The following COLEC12 variants were observed in gnomAD, a reference collection of about 807,000 sequenced individuals.
COLEC12 encodes collectin subfamily member 12, also known as collectin-12.
Under a neutral mutation model 71.1 loss-of-function variants are expected in COLEC12, and 33 were observed. The observed-to-expected ratio is 0.46, with a 90% CI of 0.35 to 0.62. COLEC12 has a LOEUF of 0.62. COLEC12 is among the 20% of genes least tolerant of loss of function. The pLI, the probability that COLEC12 is intolerant of heterozygous loss-of-function variation, is 0.00. For missense variants in COLEC12, 765 were observed against 916.1 expected, an observed-to-expected ratio of 0.84 and a Z score of 2.13; for synonymous variants, 350 against 353.0, an observed-to-expected ratio of 0.99 and a Z score of 0.10.
At chr18:340,086 A>AAAAAAAAAAAAAC (rs1914214074) in intron 5 of COLEC12, among the ~76,000 whole-genome samples, 1 of 150,890 alleles carries the variant, frequency 6.6e-6, no homozygotes, top group African/African-American at 2.4e-5. Flanking sequence ...AAAAAAAAAA[A>AAAAAAAAAAAAAC]AAAAACAAAA....
chr18:477,750 C>A (rs28612465), intron 2 of COLEC12, among the ~76,000 whole-genome samples: 16,468 of 152,194 alleles, frequency 0.11, 1,192 homozygotes, highest in African/African-American at 0.19. Flanking sequence ...GACTCACCTA[C>A]GTTGGCAGGT....
chr18:464,376 AT>A (rs1042519735), intron 2 of COLEC12, among the ~76,000 whole-genome samples: 7 of 152,140 alleles, frequency 4.6e-5, no homozygotes, highest in Non-Finnish European at 7.4e-5. Flanking sequence ...CCTCCTTTGA[AT>A]GGGCCGCAGT....
In COLEC12 at chr18:480,614, GGGCCTGCCAGT is replaced by G. The variant is rs1465810210; in HGVS notation, c.58+82_58+92del. ...AGCCACAAACACCCATGTGCATGAA[GGGCCTGCCAGT>G]GGCCTGCCAATGGTCTCTGAGGGTT... On this transcript the variant is annotated intron_variant, in intron 2 of 9. Transcript: ENST00000400256. The surrounding 1 kb of genome is among the most constrained non-coding windows in gnomAD (Gnocchi z 4.1). 2.7e-6 allele frequency: 3 copies of G among 1,103,038 alleles called. No individual in the cohort carries two copies. The highest frequency in any genetic ancestry group is 3.1e-5 in the African/African-American group (2 of 65,052). 68.3% of individuals were successfully genotyped at this position (1,103,038 alleles called of 1,614,324 possible).
intron 2 of COLEC12, among the ~76,000 whole-genome samples, chr18:361,904 T>C (rs1451288050): frequency 9.9e-5 from 15 of 152,194 alleles, no homozygotes; most frequent in Admixed American, 9.8e-4. Flanking sequence ...TTCAGGATGA[T>C]TTCTTACATT....
rs536161446 is a variant in COLEC12 at position 337,417 on chromosome 18, C to T, written c.1328-2187G>A. ...TCCATGGCTCCCAGTCAAGCCAATC[C>T]GTCTGTGTTCTCTCTTAGCAGAAGC... On this transcript the variant is annotated intron_variant, in intron 5 of 9. Coordinates refer to ENST00000400256, the MANE Select transcript of COLEC12 (RefSeq NM_130386.3). 5.3e-5 allele frequency among the ~76,000 whole-genome samples: 8 copies of T among 152,268 alleles called. No homozygotes were observed. In the South Asian group the frequency reaches 8.3e-4, roughly 16 times the overall value.
rs1448609901 is a variant in COLEC12 at position 331,771 on chromosome 18, T to A, written c.1960A>T (p.Ile654Leu). The change falls in exon 8 of 10, where the codon ATA (isoleucine) becomes TTA (leucine). Residue 654 changes from isoleucine (I) to leucine (L), a missense_variant. Coordinates refer to ENST00000400256, the MANE Select transcript of COLEC12 (RefSeq NM_130386.3). ...FINTREEQQW[I>L]KKQMVGRESH... ...TCTCTCCCTACCATCTGTTTTTTTA[T>A]CCATTGCTGAAAAACAAAGCAGGGG... 4 of 1,609,682 alleles carry A rather than the reference T, an allele frequency of 2.5e-6. No homozygotes were observed. The African/African-American group carries it at 4.0e-5, about 16-fold the overall frequency.
At chr18:471,054 A>T (rs768091077) in intron 2 of COLEC12, among the ~76,000 whole-genome samples, 2 of 152,216 alleles carry the variant, frequency 1.3e-5, no homozygotes, top group Non-Finnish European at 2.9e-5. Flanking sequence ...TTTCCTGACA[A>T]GTCTAAATTC....
chr18:457,200 C>A (rs1916890065), intron 2 of COLEC12, among the ~76,000 whole-genome samples: 1 of 152,158 alleles, frequency 6.6e-6, no homozygotes, highest in South Asian at 2.1e-4. Flanking sequence ...AACGAACAGG[C>A]CTGACTGGGA....
intron 5 of COLEC12, among the ~76,000 whole-genome samples, chr18:336,898 C>T (rs1301020356): frequency 1.3e-5 from 2 of 152,094 alleles, no homozygotes; most frequent in Non-Finnish European, 2.9e-5. Context: ...CTCTGTCACC[C>T]AGGCTGGAGG....
chr18:483,895 T>C (rs777538529), intron 1 of COLEC12, among the ~76,000 whole-genome samples: 41 of 152,210 alleles, frequency 2.7e-4, no homozygotes, highest in Admixed American at 7.2e-4. Context: ...AATATCAGCA[T>C]CAGTGGTACC....
intron 2 of COLEC12, among the ~76,000 whole-genome samples, chr18:383,652 C>T (rs1159421017): frequency 2.4e-4 from 36 of 152,140 alleles, no homozygotes. Flanking sequence ...CTCCCATCTC[C>T]CCTAACTGCC....
At chr18:389,976 CTTTTGTTCTAAT>C (rs1915427850) in intron 2 of COLEC12, among the ~76,000 whole-genome samples, 1 of 152,202 alleles carries the variant, frequency 6.6e-6, no homozygotes, top group African/African-American at 2.4e-5. Flanking sequence ...TGATGAGTGA[CTTTTGTTCTAAT>C]TTTTGTTCTA....
chr18:438,721 G>A (rs1455854600), intron 2 of COLEC12, among the ~76,000 whole-genome samples: 1 of 151,742 alleles, frequency 6.6e-6, no homozygotes, highest in Non-Finnish European at 1.5e-5. Flanking sequence ...TGAGAAGGGA[G>A]GGTCACTTGA....
intron 8 of COLEC12, among the ~76,000 whole-genome samples, chr18:329,588 A>G (rs568572650): frequency 6.6e-6 from 1 of 152,254 alleles, no homozygotes; most frequent in South Asian, 2.1e-4. Context: ...CATCAGGCAA[A>G]GTCTCAAGTG....
intron 3 of COLEC12, among the ~76,000 whole-genome samples, chr18:348,750 A>G (rs1050270870): frequency 6.6e-6 from 1 of 152,232 alleles, no homozygotes; most frequent in African/African-American, 2.4e-5. Context: ...CTGATTCTGT[A>G]GTTTGTCAGT....
intron 2 of COLEC12, among the ~76,000 whole-genome samples, chr18:429,358 A>AT (rs561584532): frequency 4.0e-4 from 60 of 151,178 alleles, no homozygotes; most frequent in South Asian, 2.7e-3. Context: ...AACACAAACT[A>AT]TTTTTTTTCA....
At chr18:332,966 T>TA in intron 7 of COLEC12, 41 bp downstream of exon 7, 1 of 1,513,386 alleles carries the variant, frequency 6.6e-7, no homozygotes, top group Non-Finnish European at 8.8e-7. Flanking sequence ...AAACTATCCT[T>TA]AAATTATAGT....
At chr18:481,541 C>G (rs1303349644) in intron 1 of COLEC12, among the ~76,000 whole-genome samples, 1 of 152,166 alleles carries the variant, frequency 6.6e-6, no homozygotes, top group Non-Finnish European at 1.5e-5. Flanking sequence ...CCCATCTCTA[C>G]TAAAAATACA....
At chr18:336,862 ACT>A (rs913622637) in intron 5 of COLEC12, among the ~76,000 whole-genome samples, 49 of 151,684 alleles carry the variant, frequency 3.2e-4, no homozygotes, top group African/African-American at 1.1e-3. Context: ...ACAGAGTCTC[ACT>A]CTTTTTTTTT....
Sources: allele counts gnomAD v4.1 joint callset (sites outside exome capture counted in the v4.1 genomes callset), GRCh38; gene constraint gnomAD v4.1.1; non-coding constraint Gnocchi (gnomAD v3.1); transcripts MANE v1.5; gene names NCBI Gene and HGNC (gene_info 2026-07-23, HGNC 2026-07-21).